Variants in COL28A1 observed in about 807,000 individuals in gnomAD.
COL28A1 encodes the protein collagen type XXVIII alpha 1 chain.
In COL28A1, 161 loss-of-function variants were observed where a neutral mutation model predicts 150.2. The observed-to-expected ratio is 1.07, with a 90% CI of 0.94 to 1.22. The LOEUF (loss-of-function observed/expected upper bound fraction) is 1.22. Ranked by LOEUF, COL28A1 falls within the 50% of genes most tolerant of loss-of-function variation. The probability of loss-of-function intolerance (pLI) is 0.00; values close to 1 mark genes in which losing one functional copy is unlikely to be tolerated. For missense variants in COL28A1, 1,617 were observed against 1,388.3 expected, an observed-to-expected ratio of 1.16 and a Z score of -2.62; for synonymous variants, 552 against 469.7, an observed-to-expected ratio of 1.18 and a Z score of -2.26.
At position 7,489,381 on chromosome 7, in the gene COL28A1, C is replaced by G. The variant is rs1407194250; in HGVS notation, c.1164+8G>C. On this transcript the variant is annotated splice_region_variant and intron_variant, in intron 13 of 34. Transcript: ENST00000399429. ...CTTTTCATTCCATCTAGAATTTTTG[C>G]TACTTACTGGCTGTCCAGGCTCACC... is the stretch of plus-strand genomic sequence containing the variant. 2 of 1,206,750 alleles carry G rather than the reference C, an allele frequency of 1.7e-6. No homozygotes were observed. The highest frequency in any genetic ancestry group is 2.4e-5 in the South Asian group (2 of 83,060). 74.8% of individuals were successfully genotyped at this position (1,206,750 alleles called of 1,614,324 possible).
At chr7:7,462,751 G>A (rs1255035476) in intron 15 of COL28A1, among the ~76,000 whole-genome samples, 1 of 151,994 alleles carries the variant, frequency 6.6e-6, no homozygotes, top group South Asian at 2.1e-4. Flanking sequence ...CCCAGCTACT[G>A]GGGATGCTGT....
upstream of COL28A1, among the ~76,000 whole-genome samples, chr7:7,537,143 T>C (rs138671475): frequency 4.3e-3 from 649 of 152,336 alleles, 5 homozygotes; most frequent in South Asian, 6.8e-3. Flanking sequence ...CTTACCTGCA[T>C]ATTCCAGTTC....
At chr7:7,497,115 A>G (rs1583506298) in intron 11 of COL28A1, among the ~76,000 whole-genome samples, 1 of 150,870 alleles carries the variant, frequency 6.6e-6, no homozygotes, top group Non-Finnish European at 1.5e-5. Context: ...GGAAGGAAGG[A>G]AGGAAGGAAG....
intron 9 of COL28A1, 35 bp downstream of exon 9, chr7:7,511,056 C>T (rs1451174248): frequency 2.5e-6 from 4 of 1,589,076 alleles, no homozygotes; most frequent in Non-Finnish European, 3.5e-6. Context: ...CAAAAGGGAT[C>T]ACAGCTGTAA....
intron 11 of COL28A1, among the ~76,000 whole-genome samples, chr7:7,496,177 A>C (rs1213508044): frequency 6.6e-6 from 1 of 151,938 alleles, no homozygotes; most frequent in East Asian, 1.9e-4. Flanking sequence ...TTTTTTTCTG[A>C]GCATTCATTA....
At chr7:7,456,262 T>G in intron 15 of COL28A1, 150 bp from the exon 16 acceptor site, 1 of 1,179,114 alleles carries the variant, frequency 8.5e-7, no homozygotes, top group Non-Finnish European at 1.1e-6. Context: ...ATTTTATTCC[T>G]TTAAAAGTTT....
chr7:7,429,248 T>G lies in COL28A1; in HGVS notation c.1998+3225A>C, dbSNP rs1225422377. Among the ~76,000 whole-genome samples, 3 of 152,160 alleles carry G rather than the reference T, an allele frequency of 2.0e-5. No individual in the cohort carries two copies. The East Asian group carries it at 5.8e-4, about 29-fold the overall frequency. ...TATACAGTTTCACTGTCATTTTAAC[T>G]CAAAAGGGGAGAAATTTTGCACACA... On this transcript the variant is annotated intron_variant, in intron 25 of 34. Transcript: ENST00000399429.
chr7:7,508,218 C>T (rs1306808130), intron 9 of COL28A1, among the ~76,000 whole-genome samples: 3 of 148,590 alleles, frequency 2.0e-5, no homozygotes, highest in South Asian at 2.1e-4. Context: ...GGCAACAGAG[C>T]GAGACTCTGT....
At chr7:7,491,644 T>G (rs975640642) in intron 11 of COL28A1, among the ~76,000 whole-genome samples, 1 of 152,216 alleles carries the variant, frequency 6.6e-6, no homozygotes, top group Non-Finnish European at 1.5e-5. Flanking sequence ...ATGTGACCAT[T>G]GCACTCAAAC....
At chr7:7,511,447 A>G (rs958506580) in intron 8 of COL28A1, among the ~76,000 whole-genome samples, 6 of 152,244 alleles carry the variant, frequency 3.9e-5, no homozygotes, top group Non-Finnish European at 5.9e-5. Context: ...TGCCCTTTGC[A>G]TATGTGGTTT....
intron 18 of COL28A1, among the ~76,000 whole-genome samples, chr7:7,444,857 C>A (rs1359066965): frequency 1.3e-5 from 2 of 152,112 alleles, no homozygotes; most frequent in Admixed American, 6.5e-5. Context: ...CCACCCAAAT[C>A]TTATTTGAAT....
intron 15 of COL28A1, among the ~76,000 whole-genome samples, chr7:7,464,285 T>C (rs1023320709): frequency 2.4e-4 from 37 of 151,972 alleles, no homozygotes; most frequent in African/African-American, 8.9e-4. Context: ...AAATAATGGA[T>C]TTAAACTATA....
intron 27 of COL28A1, among the ~76,000 whole-genome samples, chr7:7,400,328 G>C (rs1382470544): frequency 6.6e-6 from 1 of 152,162 alleles, no homozygotes; most frequent in African/African-American, 2.4e-5. Flanking sequence ...TGACAGACAG[G>C]AGAGAAGAAG....
rs576022135 is a variant in COL28A1 at position 7,361,467 on chromosome 7, A to T, written c.3067-939T>A. On this transcript the variant is annotated intron_variant, in intron 33 of 34. Transcript: ENST00000399429. ...ATTTACACTCCCACCAACTGTTTAA[A>T]AGTGTTCCTATTTCTCCACATCCTC... Among the ~76,000 whole-genome samples the T allele has an allele frequency of 3.5e-4, 53 of 152,246 alleles. No individual in the cohort carries two copies. The East Asian group carries it at 0.01, about 29-fold the overall frequency.
chr7:7,342,232 G>A, the COL28A1 span, among the ~76,000 whole-genome samples: 1 of 151,924 alleles, frequency 6.6e-6, no homozygotes. Context: ...GTATCACTTT[G>A]TCTGACTTCA....
At chr7:7,393,040 TGGA>T (rs1377559033) in intron 27 of COL28A1, among the ~76,000 whole-genome samples, 1 of 152,178 alleles carries the variant, frequency 6.6e-6, no homozygotes, top group Non-Finnish European at 1.5e-5. Flanking sequence ...TGTGATCCTT[TGGA>T]GGAGAAGAGG....
chr7:7,422,901 T>C (rs1170006910), intron 25 of COL28A1, among the ~76,000 whole-genome samples: 1 of 152,062 alleles, frequency 6.6e-6, no homozygotes, highest in African/African-American at 2.4e-5. Flanking sequence ...AAATAACACA[T>C]ACACTAACTG....
intron 15 of COL28A1, among the ~76,000 whole-genome samples, chr7:7,459,252 G>A (rs1036521418): frequency 3.3e-5 from 5 of 152,132 alleles, no homozygotes; most frequent in East Asian, 1.9e-4. Flanking sequence ...TTCAGTTCTC[G>A]CTGCTCCAAA....
chr7:7,378,792 T>C (rs1781708307), intron 30 of COL28A1, among the ~76,000 whole-genome samples: 1 of 152,194 alleles, frequency 6.6e-6, no homozygotes, highest in Admixed American at 6.5e-5. Context: ...GTCTACCTCA[T>C]GGAGCTGTCA....
Sources: allele counts gnomAD v4.1 joint callset (sites outside exome capture counted in the v4.1 genomes callset), GRCh38; gene constraint gnomAD v4.1.1; transcripts MANE v1.5; gene names NCBI Gene and HGNC (gene_info 2026-07-23, HGNC 2026-07-21).